The following URI1 variants were observed in gnomAD, a reference collection of about 807,000 sequenced individuals.
The protein encoded by URI1 is URI1 prefoldin like chaperone, also known as unconventional prefoldin RPB5 interactor 1.
Under a neutral mutation model 60.2 loss-of-function variants are expected in URI1, and 39 were observed. The observed-to-expected ratio is 0.65, with a 90% confidence interval of 0.50 to 0.85. The LOEUF (loss-of-function observed/expected upper bound fraction) is 0.85. URI1 is among the 40% of genes least tolerant of loss of function. The pLI is 0.00. For synonymous variants in URI1, 251 were observed against 236.8 expected (o/e 1.06, Z -0.55); for missense variants, 691 against 665.9 (o/e 1.04, Z -0.42).
At chr19:29,997,691 ATCTT>A (rs1479436288) in intron 4 of URI1, among the ~76,000 whole-genome samples, 1 of 151,994 alleles carries the variant, frequency 6.6e-6, no homozygotes, top group Non-Finnish European at 1.5e-5. Flanking sequence ...AGCTATAAAT[ATCTT>A]TCTTAGCATT....
chr19:29,958,204 AG>A (rs2055275483), intron 1 of URI1: 1 of 151,284 alleles, frequency 6.6e-6, no homozygotes, highest in African/African-American at 2.5e-5. Context: ...CCAGTTCTTA[AG>A]TTTTTTTTTA....
upstream of URI1, among the ~76,000 whole-genome samples, chr19:29,941,950 G>A (rs2055028729): frequency 6.6e-6 from 1 of 151,150 alleles, no homozygotes; most frequent in Admixed American, 6.6e-5. Context: ...GTTGCCGAGC[G>A]TTTCCTGGGC....
chr19:29,952,957 A>G (rs547525402), intron 1 of URI1, among the ~76,000 whole-genome samples: 1 of 152,316 alleles, frequency 6.6e-6, no homozygotes, highest in South Asian at 2.1e-4. Flanking sequence ...CCATTGCCAG[A>G]TCCAAGGTCT....
chr19:29,950,576 T>C (rs772683921), intron 1 of URI1, among the ~76,000 whole-genome samples: 1 of 152,124 alleles, frequency 6.6e-6, no homozygotes, highest in Non-Finnish European at 1.5e-5. Flanking sequence ...TTTTCCCTTT[T>C]CCCCCTGCAG....
intron 1 of URI1, chr19:29,923,879 T>C (rs2054843266): frequency 5.1e-6 from 5 of 979,278 alleles, no homozygotes; most frequent in East Asian, 2.7e-5. Context: ...GCTGTAGACA[T>C]AGCTATAGAC....
At chr19:29,985,360 G>A in intron 3 of URI1, 59 bp downstream of exon 3, 1 of 1,426,144 alleles carries the variant, frequency 7.0e-7, no homozygotes, top group Non-Finnish European at 9.8e-7. Flanking sequence ...TATTAACTAT[G>A]TGTCGGTTCA....
chr19:29,992,916 AG>A (rs2055764666), intron 4 of URI1, among the ~76,000 whole-genome samples: 1 of 152,216 alleles, frequency 6.6e-6, no homozygotes, highest in East Asian at 1.9e-4. Flanking sequence ...CTGTGACAAC[AG>A]GCATTTGGCC....
upstream of URI1, among the ~76,000 whole-genome samples, chr19:29,939,131 C>T (rs2054999205): frequency 6.6e-6 from 1 of 152,058 alleles, no homozygotes; most frequent in African/African-American, 2.4e-5. Flanking sequence ...GCATGCACCA[C>T]CACACCTGGC....
At chr19:29,966,202 A>G (rs1444671690) in intron 1 of URI1, among the ~76,000 whole-genome samples, 1 of 152,102 alleles carries the variant, frequency 6.6e-6, no homozygotes, top group Non-Finnish European at 1.5e-5. Flanking sequence ...GCTGGAGTGC[A>G]GTGGTGTGAT....
At chr19:29,999,322 A>G (rs2055849965) in intron 4 of URI1, among the ~76,000 whole-genome samples, 1 of 152,110 alleles carries the variant, frequency 6.6e-6, no homozygotes, top group Non-Finnish European at 1.5e-5. Flanking sequence ...CTACCCGAAG[A>G]ACTTCCTTTA....
intron 1 of URI1, among the ~76,000 whole-genome samples, chr19:29,930,412 C>A (rs550679556): frequency 5.3e-5 from 8 of 152,014 alleles, no homozygotes; most frequent in African/African-American, 1.9e-4. Flanking sequence ...ACGTTCAGGT[C>A]TTTGATCAAT....
chr19:29,944,273 G>A (rs1219196948), intron 1 of URI1, among the ~76,000 whole-genome samples: 1 of 143,806 alleles, frequency 7.0e-6, no homozygotes, highest in Non-Finnish European at 1.5e-5. Flanking sequence ...AAAGAAGAAA[G>A]AAAAAACAGC....
chr19:30,015,646 T>C lies in URI1; in HGVS notation c.*577T>C. On this transcript the variant is annotated 3_prime_UTR_variant, in exon 11 of 11. Coordinates refer to ENST00000392271, the MANE Select transcript of URI1 (RefSeq NM_003796.3). ...ATTGTACTCTATGGGAAAATTTCTT[T>C]GGAAAGATATTTTGTAAAACTTTTT... is the stretch of plus-strand genomic sequence containing the variant. 1 of 1,438,974 alleles carries C rather than the reference T, an allele frequency of 6.9e-7. No individual in the cohort carries two copies. The highest frequency in any genetic ancestry group is 9.2e-7 in the Non-Finnish European group (1 of 1,083,198). The allele number at this position is 1,438,974 out of a possible 1,614,324, so 89.1% of individuals were successfully genotyped here.
intron 1 of URI1, among the ~76,000 whole-genome samples, chr19:29,923,964 C>T (rs1445874412): frequency 6.6e-5 from 10 of 152,128 alleles, no homozygotes; most frequent in Admixed American, 3.9e-4. Context: ...ATGTCATCTG[C>T]AGGTTGAAGA....
At chr19:30,001,317 A>AT (rs1380696994) in intron 4 of URI1, among the ~76,000 whole-genome samples, 9 of 151,506 alleles carry the variant, frequency 5.9e-5, no homozygotes, top group East Asian at 5.8e-4. Context: ...TGATTTATTT[A>AT]TTTTTTTTAA....
intron 4 of URI1, among the ~76,000 whole-genome samples, chr19:29,990,632 T>C (rs948310533): frequency 2.0e-5 from 3 of 152,216 alleles, no homozygotes; most frequent in African/African-American, 7.2e-5. Flanking sequence ...CCATATATTG[T>C]ATGATTCCAT....
rs964321161 is a variant in URI1, at chr19:29,971,247, A to AT, written c.152+22dup. The AT allele has an allele frequency of 1.9e-6, 3 of 1,611,508 alleles. No homozygotes were observed. The highest frequency in any genetic ancestry group is 2.5e-6 in the Non-Finnish European group (3 of 1,178,564). On this transcript the variant is annotated intron_variant, in intron 2 of 10. Coordinates refer to ENST00000392271, the MANE Select transcript of URI1 (RefSeq NM_003796.3). Reference sequence around the variant, plus strand: ...GCATTGGTGAGTGAAAGATGGTTTTATTACACTTCTGAAATACTGATGGGG... The same window carrying AT: ...GCATTGGTGAGTGAAAGATGGTTTTATTTACACTTCTGAAATACTGATGGGG...
At chr19:29,963,243 C>T in intron 1 of URI1, among the ~76,000 whole-genome samples, 1 of 152,158 alleles carries the variant, frequency 6.6e-6, no homozygotes, top group East Asian at 1.9e-4. Flanking sequence ...CTGGATCTTG[C>T]ACTTACACTG....
intron 4 of URI1, among the ~76,000 whole-genome samples, chr19:29,994,574 A>G (rs903408978): frequency 2.0e-5 from 3 of 152,070 alleles, no homozygotes; most frequent in African/African-American, 7.2e-5. Context: ...TTCTAGGTTC[A>G]TCTGTGTTGT....
Sources: allele counts gnomAD v4.1 joint callset (sites outside exome capture counted in the v4.1 genomes callset), GRCh38; gene constraint gnomAD v4.1.1; transcripts MANE v1.5; gene names NCBI Gene and HGNC (gene_info 2026-07-23, HGNC 2026-07-21).